GLI3: variants seen among roughly 807,000 people sequenced by gnomAD.
GLI3 encodes GLI family zinc finger 3, also known as transcription activator GLI3.
Under a neutral mutation model 100.8 loss-of-function variants are expected in GLI3, and 20 were observed. The ratio of observed to expected loss-of-function variants is 0.20; its 90% confidence interval spans 0.14 to 0.29. The LOEUF is 0.29. Among genes scored for constraint, GLI3 ranks in the 10% least tolerant of loss-of-function variants. GLI3 has a pLI of 1.00. For missense variants in GLI3, 2,040 were observed against 2,128.5 expected (o/e 0.96, Z 0.82); for synonymous variants, 938 against 860.5 (o/e 1.09, Z -1.58).
intron 7 of GLI3, among the ~76,000 whole-genome samples, chr7:42,027,062 C>T (rs76179879): frequency 0.047 from 7,149 of 152,282 alleles, 255 homozygotes; most frequent in Middle Eastern, 0.14. Flanking sequence ...AGCACTGCTC[C>T]CTCTTCTAGC....
chr7:42,082,652 C>T (rs1203253854), intron 3 of GLI3, among the ~76,000 whole-genome samples: 1 of 152,096 alleles, frequency 6.6e-6, no homozygotes, highest in Admixed American at 6.5e-5. Context: ...AGAAACTCCT[C>T]CGGAATCATC....
chr7:42,097,453 G>T (rs879809717), intron 3 of GLI3, among the ~76,000 whole-genome samples: 1 of 152,164 alleles, frequency 6.6e-6, no homozygotes, highest in Non-Finnish European at 1.5e-5. Flanking sequence ...GGTTAAGCAC[G>T]AGGGGAGATG....
intron 2 of GLI3, among the ~76,000 whole-genome samples, chr7:42,203,191 C>G (rs1651647755): frequency 6.6e-6 from 1 of 152,230 alleles, no homozygotes; most frequent in South Asian, 2.1e-4. Flanking sequence ...ACAATTAACT[C>G]TGCTTAATTA....
At chr7:42,174,850 C>T (rs1180099464) in intron 2 of GLI3, among the ~76,000 whole-genome samples, 2 of 152,140 alleles carry the variant, frequency 1.3e-5, no homozygotes, top group Non-Finnish European at 2.9e-5. Flanking sequence ...ACTCCCCGAG[C>T]GCCATTTCCT....
chr7:42,100,764 G>A (rs1392154511), intron 3 of GLI3, among the ~76,000 whole-genome samples: 1 of 151,998 alleles, frequency 6.6e-6, no homozygotes, highest in African/African-American at 2.4e-5. Context: ...GGGGGTGGGG[G>A]TTTGTACACA....
At chr7:41,987,733 A>T (rs1787871017) in intron 10 of GLI3, among the ~76,000 whole-genome samples, 2 of 152,246 alleles carry the variant, frequency 1.3e-5, no homozygotes, top group Admixed American at 1.3e-4. Flanking sequence ...CTAATCCATG[A>T]TATATTCTAA....
intron 3 of GLI3, among the ~76,000 whole-genome samples, chr7:42,094,745 A>T (rs1376826099): frequency 6.6e-6 from 1 of 150,876 alleles, no homozygotes; most frequent in African/African-American, 2.4e-5. Context: ...AAAAAAAAAA[A>T]TTAATTAAAA....
chr7:42,153,125 C>T (rs2128789683), intron 2 of GLI3, among the ~76,000 whole-genome samples: 1 of 152,306 alleles, frequency 6.6e-6, no homozygotes, highest in Admixed American at 6.5e-5. Context: ...GAATTCTGAG[C>T]AAATTTCAGA....
intron 2 of GLI3, among the ~76,000 whole-genome samples, chr7:42,173,394 C>A (rs1244101011): frequency 6.6e-6 from 1 of 152,144 alleles, no homozygotes; most frequent in East Asian, 1.9e-4. Flanking sequence ...CTTGTTCAGT[C>A]TTTGCAATAA....
intron 3 of GLI3, among the ~76,000 whole-genome samples, chr7:42,100,620 T>G (rs1583557265): frequency 6.7e-6 from 1 of 150,244 alleles, no homozygotes; most frequent in Non-Finnish European, 1.5e-5. Flanking sequence ...TGCACGCCTG[T>G]AGTCCCACCT....
chr7:42,130,946 T>A (rs565156308), intron 3 of GLI3, among the ~76,000 whole-genome samples: 1 of 152,146 alleles, frequency 6.6e-6, no homozygotes, highest in Non-Finnish European at 1.5e-5. Context: ...ATCTACAACT[T>A]TGGATGGTAA....
In GLI3 at chr7:41,966,119, T is replaced by G; in HGVS notation, c.2954A>C (p.His985Pro). Residue 985 changes from histidine (H) to proline (P), a missense_variant, in exon 15 of 15, where the codon CAC (histidine) becomes CCC (proline). By Grantham distance (77) the His-to-Pro change is moderately conservative (BLOSUM62 -2). Coordinates refer to ENST00000395925, the MANE Select transcript of GLI3 (RefSeq NM_000168.6). This position sits in a 1 kb window ranked among gnomAD's most constrained non-coding sequence, Gnocchi z 5.8. ...CTGCAGGTGGCGCCGCCCGTAGCCG[T>G]GGGCTCCCCCGTCGCTGCACCTCCT... ...APRRCSDGGAHGYGRRHLQPH... is the reference protein window; with the variant it reads ...APRRCSDGGAPGYGRRHLQPH... The G allele has an allele frequency of 6.3e-7, 1 of 1,580,494 alleles. No individual in the cohort carries two copies.
intron 2 of GLI3, among the ~76,000 whole-genome samples, chr7:42,189,508 A>C (rs951320406): frequency 1.1e-4 from 17 of 152,228 alleles, no homozygotes; most frequent in African/African-American, 4.1e-4. Context: ...TTTAAAAGCT[A>C]ATCAGGAAAA....
chr7:41,978,706 C>T lies in GLI3; in HGVS notation c.1540G>A (p.Val514Met), dbSNP rs148502119. 36 of 1,613,640 alleles carry T rather than the reference C, an allele frequency of 2.2e-5. No homozygotes were observed. The highest frequency in any genetic ancestry group is 1.2e-4 in the South Asian group (11 of 91,078). ...DHIHGEKKEF[V>M]CRWLDCSREQ... is the part of the protein sequence containing the mutation. ...CTTGAGCAGTCCAGCCACCTGCACA[C>T]GAACTCCTTCTTCTCTCCATGAATA... Residue 514 changes from valine (V) to methionine (M), a missense_variant, in exon 11 of 15, where the codon GTG becomes ATG. Val to Met is a conservative substitution (Grantham distance 21). This residue lies in a region of GLI3 where 603 missense variants were observed against 690.9 expected (regional missense o/e 0.87). Coordinates refer to ENST00000395925, the MANE Select transcript of GLI3 (RefSeq NM_000168.6).
At chr7:42,107,983 G>T in intron 3 of GLI3, among the ~76,000 whole-genome samples, 1 of 152,136 alleles carries the variant, frequency 6.6e-6, no homozygotes, top group South Asian at 2.1e-4. Context: ...GGTTTTATGT[G>T]CCTCACATTC....
chr7:42,039,216 G>T (rs1172093803), intron 7 of GLI3, among the ~76,000 whole-genome samples: 1 of 152,246 alleles, frequency 6.6e-6, no homozygotes, highest in Admixed American at 6.5e-5. Flanking sequence ...AAATGATCAG[G>T]TAATTCACCT....
intron 12 of GLI3, among the ~76,000 whole-genome samples, chr7:41,974,688 C>A (rs866034000): frequency 6.6e-6 from 1 of 152,242 alleles, no homozygotes; most frequent in Non-Finnish European, 1.5e-5. Flanking sequence ...GATTCTATAT[C>A]TGGGCTTAAT....
rs1361886186 is a variant in GLI3, at chr7:42,218,652, C to A, written c.124+4478G>T. On this transcript the variant is annotated intron_variant, in intron 2 of 14. Transcript: ENST00000395925. ...AATTTTTTAAGCAAAGAACCAAATT[C>A]TTGTTTTTGAAAGAATCAAAGTGAA... 2.0e-5 allele frequency among the ~76,000 whole-genome samples: 3 copies of A among 152,142 alleles called. No homozygotes were observed. In the East Asian group the frequency reaches 5.8e-4, roughly 30 times the overall value.
At chr7:42,045,823 C>T (rs1784233742) in intron 5 of GLI3, among the ~76,000 whole-genome samples, 1 of 152,184 alleles carries the variant, frequency 6.6e-6, no homozygotes, top group African/African-American at 2.4e-5. Context: ...ATGTACATAA[C>T]CACATTTGCC....
Sources: allele counts gnomAD v4.1 joint callset (sites outside exome capture counted in the v4.1 genomes callset), GRCh38; gene constraint gnomAD v4.1.1; regional missense constraint gnomAD v4.1.1; non-coding constraint Gnocchi (gnomAD v3.1); transcripts MANE v1.5; gene names NCBI Gene and HGNC (gene_info 2026-07-23, HGNC 2026-07-21).